The following TRIM9 variants were observed in gnomAD, a reference collection of about 807,000 sequenced individuals.
TRIM9 encodes the protein tripartite motif containing 9.
TRIM9 carries 26 observed loss-of-function variants against 78.3 expected under a neutral mutation model. That is an observed-to-expected ratio of 0.33 (90% CI 0.24 to 0.46). The LOEUF is 0.46. Among genes scored for constraint, TRIM9 ranks in the 20% least tolerant of loss-of-function variants. The pLI is 1.00. For missense variants in TRIM9, 787 were observed against 1,036.4 expected (o/e 0.76, Z 3.30); for synonymous variants, 398 against 416.5 (o/e 0.96, Z 0.54).
intron 1 of TRIM9, among the ~76,000 whole-genome samples, chr14:51,033,080 TTTTA>T (rs1428975654): frequency 6.6e-6 from 1 of 152,166 alleles, no homozygotes; most frequent in Non-Finnish European, 1.5e-5. Context: ...CCAATGTTAT[TTTTA>T]TTTATTTACT....
intron 7 of TRIM9, chr14:50,996,893 C>T (rs1040987616): frequency 5.7e-5 from 56 of 985,306 alleles, no homozygotes; most frequent in African/African-American, 7.0e-5. Context: ...ACTGTTTTCA[C>T]GGCTAGGGGC....
chr14:51,050,461 C>T lies in TRIM9; in HGVS notation c.823-25101G>A, dbSNP rs1465541173. Among the ~76,000 whole-genome samples the T allele has an allele frequency of 2.6e-5, 4 of 152,176 alleles. No homozygotes were observed. The East Asian group carries it at 5.8e-4, about 22-fold the overall frequency. ...CATGATTGTGAGGCCTCCCCAGCCA[C>T]GTGGAACTGTGAGTCCATTAAACCC... On this transcript the variant is annotated intron_variant, in intron 1 of 12. Coordinates refer to ENST00000684578, the MANE Select transcript of TRIM9 (RefSeq NM_001387360.1).
intron 1 of TRIM9, among the ~76,000 whole-genome samples, chr14:51,041,113 G>A (rs544251491): frequency 2.6e-5 from 4 of 152,218 alleles, no homozygotes; most frequent in South Asian, 2.1e-4. Flanking sequence ...CCTCAGCATC[G>A]TTGTCAATCC....
chr14:51,033,942 T>C (rs1266350772), intron 1 of TRIM9, among the ~76,000 whole-genome samples: 1 of 152,246 alleles, frequency 6.6e-6, no homozygotes, highest in Admixed American at 6.5e-5. Flanking sequence ...ATTGAATGTT[T>C]ACCAAAAGCT....
chr14:51,033,572 G>A (rs2058911748), intron 1 of TRIM9, among the ~76,000 whole-genome samples: 3 of 152,266 alleles, frequency 2.0e-5, no homozygotes, highest in Middle Eastern at 3.4e-3. Context: ...GACTTGCAGT[G>A]CCTCCTGCAG....
chr14:51,038,055 C>T (rs1009071817), intron 1 of TRIM9, among the ~76,000 whole-genome samples: 1 of 151,988 alleles, frequency 6.6e-6, no homozygotes. Flanking sequence ...TGTCCATGCC[C>T]GAATCCCCAG....
At chr14:50,998,298 T>C in intron 6 of TRIM9, 110 bp from the exon 7 acceptor site, 2 of 1,030,094 alleles carry the variant, frequency 1.9e-6, no homozygotes, top group Non-Finnish European at 2.9e-6. Flanking sequence ...CATTCTAATC[T>C]GGATTTGAAT....
chr14:51,071,925 G>C (rs1470052953), intron 1 of TRIM9, among the ~76,000 whole-genome samples: 1 of 152,228 alleles, frequency 6.6e-6, no homozygotes, highest in Non-Finnish European at 1.5e-5. Flanking sequence ...CCAGAAGAGA[G>C]GGGTGGTGAG....
chr14:50,983,052 C>CACATT, intron 9 of TRIM9, 87 bp from the exon 10 acceptor site: 5 of 1,296,468 alleles, frequency 3.9e-6, no homozygotes, highest in Non-Finnish European at 5.4e-6. Context: ...TCTTGATAGA[C>CACATT]TAGTACCCCA....
intron 1 of TRIM9, among the ~76,000 whole-genome samples, chr14:51,042,204 A>G (rs1315899440): frequency 6.6e-6 from 1 of 152,312 alleles, no homozygotes; most frequent in East Asian, 1.9e-4. Context: ...CAAGTATGTG[A>G]CAGAAATCCC....
chr14:51,013,539 C>A (rs2056827017), intron 3 of TRIM9, among the ~76,000 whole-genome samples: 1 of 152,018 alleles, frequency 6.6e-6, no homozygotes, highest in African/African-American at 2.4e-5. Context: ...TTTGTTACTG[C>A]TTTTTAACTT....
chr14:51,086,936 A>C (rs1014248511), intron 1 of TRIM9, among the ~76,000 whole-genome samples: 1 of 152,222 alleles, frequency 6.6e-6, no homozygotes, highest in Non-Finnish European at 1.5e-5. Flanking sequence ...TTTGCAGCTT[A>C]AAATGAATCA....
chr14:51,031,468 G>A (rs2058730379), intron 1 of TRIM9, among the ~76,000 whole-genome samples: 1 of 152,132 alleles, frequency 6.6e-6, no homozygotes. Context: ...ATAAGCACAA[G>A]TTAGCACACC....
At chr14:51,074,489 T>C (rs569203498) in intron 1 of TRIM9, among the ~76,000 whole-genome samples, 10 of 152,320 alleles carry the variant, frequency 6.6e-5, no homozygotes, top group African/African-American at 2.2e-4. Context: ...AAGCCCTCTC[T>C]TGCAGAATGA....
intron 1 of TRIM9, among the ~76,000 whole-genome samples, chr14:51,083,430 A>AT (rs200246485): frequency 0.15 from 21,516 of 144,370 alleles, 1,785 homozygotes; most frequent in Admixed American, 0.27. Context: ...AATTAAAAAA[A>AT]ATTTTTTTTT....
At chr14:51,018,974 T>C (rs1044236960) in intron 3 of TRIM9, among the ~76,000 whole-genome samples, 1 of 152,252 alleles carries the variant, frequency 6.6e-6, no homozygotes, top group Non-Finnish European at 1.5e-5. Flanking sequence ...AAATTGTGAA[T>C]GTTACATAAA....
chr14:51,070,547 T>G (rs1286510260), intron 1 of TRIM9, among the ~76,000 whole-genome samples: 1 of 152,092 alleles, frequency 6.6e-6, no homozygotes, highest in African/African-American at 2.4e-5. Flanking sequence ...TTGGAATATT[T>G]GCATTATAAT....
chr14:50,997,260 C>T (rs1052314870), intron 7 of TRIM9: 3 of 985,218 alleles, frequency 3.0e-6, no homozygotes, highest in Non-Finnish European at 3.6e-6. Flanking sequence ...CCATCAAATT[C>T]AAGCCTCTCA....
chr14:50,996,492 T>C (rs1346142413), intron 7 of TRIM9: 2 of 985,350 alleles, frequency 2.0e-6, no homozygotes, highest in African/African-American at 1.7e-5. Flanking sequence ...GTATTATGAA[T>C]AGAAATAGTT....
Sources: gnomAD v4.1 joint callset for allele counts (sites outside exome capture counted in the v4.1 genomes callset) on GRCh38, gnomAD v4.1.1 for gene constraint, MANE v1.5 for transcripts, NCBI Gene and HGNC (gene_info 2026-07-23, HGNC 2026-07-21) for gene names.